The following MYO1E variants were observed in gnomAD, a reference collection of about 807,000 sequenced individuals.
The protein encoded by MYO1E is unconventional myosin-Ie.
In MYO1E, 68 loss-of-function variants were observed where a neutral mutation model predicts 151.1. The observed-to-expected ratio is 0.45, with a 90% confidence interval of 0.37 to 0.55. The LOEUF is 0.55. MYO1E is among the 20% of genes least tolerant of loss of function. The probability of loss-of-function intolerance (pLI) is 0.00; values close to 1 mark genes in which losing one functional copy is unlikely to be tolerated. For missense variants in MYO1E, 1,363 were observed against 1,389.3 expected (o/e 0.98, Z 0.30); for synonymous variants, 601 against 501.7 (o/e 1.20, Z -2.64).
At chr15:59,191,221 C>T (rs185492514) in intron 17 of MYO1E, among the ~76,000 whole-genome samples, 168 of 151,792 alleles carry the variant, frequency 1.1e-3, no homozygotes, top group South Asian at 3.1e-3. Context: ...TTTGGGAGGC[C>T]GAGGCGGGCA....
At chr15:59,224,940 A>T in intron 7 of MYO1E, 117 bp from the exon 8 acceptor site, 2 of 1,397,796 alleles carry the variant, frequency 1.4e-6, no homozygotes, top group Non-Finnish European at 2.0e-6. Flanking sequence ...CTAAAATTAC[A>T]GGCAGTCCTG....
rs1313356388 is a variant in MYO1E at position 59,174,971 on chromosome 15, A to G, written c.2050-731T>C. 2.6e-5 allele frequency among the ~76,000 whole-genome samples: 4 copies of G among 152,098 alleles called. No individual in the cohort carries two copies. In the East Asian group the frequency reaches 7.7e-4, roughly 29 times the overall value. ...CAGCTGCGCCTCAACCAGGCCTTGG[A>G]ATGATAAAGGTGACAGCAAACAGCT... On this transcript the variant is annotated intron_variant, in intron 19 of 27. Transcript: ENST00000288235.
At chr15:59,227,791 A>G (rs930640067) in intron 6 of MYO1E, among the ~76,000 whole-genome samples, 2 of 152,244 alleles carry the variant, frequency 1.3e-5, no homozygotes, top group Non-Finnish European at 2.9e-5. Flanking sequence ...ATTCTGTTAG[A>G]GAGAGCACCT....
intron 1 of MYO1E, among the ~76,000 whole-genome samples, chr15:59,304,729 C>A (rs2080504715): frequency 1.3e-5 from 2 of 152,174 alleles, no homozygotes; most frequent in Non-Finnish European, 2.9e-5. Context: ...ATTACCCTCC[C>A]TAGTACAGAT....
chr15:59,292,762 TG>T (rs1322982522), intron 1 of MYO1E, among the ~76,000 whole-genome samples: 2 of 152,222 alleles, frequency 1.3e-5, no homozygotes, highest in Non-Finnish European at 2.9e-5. Flanking sequence ...GAAATGAGCG[TG>T]GGTCTACCCA....
intron 4 of MYO1E, among the ~76,000 whole-genome samples, chr15:59,248,503 A>AAT (rs1170388935): frequency 6.6e-6 from 1 of 150,626 alleles, no homozygotes; most frequent in East Asian, 1.9e-4. Flanking sequence ...AAAAAAAAAA[A>AAT]AAAAAAAGTT....
At chr15:59,221,648 C>T (rs1596372643) in intron 9 of MYO1E, among the ~76,000 whole-genome samples, 1 of 152,188 alleles carries the variant, frequency 6.6e-6, no homozygotes, top group Admixed American at 6.5e-5. Flanking sequence ...AATCTCCATG[C>T]CTCCATCGCC....
intron 26 of MYO1E, among the ~76,000 whole-genome samples, chr15:59,152,967 G>A (rs147313305): frequency 5.1e-4 from 78 of 152,224 alleles, no homozygotes; most frequent in African/African-American, 1.6e-3. Flanking sequence ...TTCAGTTGGC[G>A]CTAGTTCCAT....
intron 26 of MYO1E, among the ~76,000 whole-genome samples, chr15:59,151,651 G>A (rs2079479667): frequency 6.6e-6 from 1 of 152,176 alleles, no homozygotes. Flanking sequence ...AGTGGCTCAC[G>A]CCTGTAATCC....
At position 59,133,112 on chromosome 15, in the gene MYO1E, G is replaced by A. The variant is rs2079354108; in HGVS notation, c.*4268C>T. 2.0e-5 allele frequency: 3 copies of A among 152,062 alleles called. No individual in the cohort carries two copies. The highest frequency in any genetic ancestry group is 7.2e-5 in the African/African-American group (3 of 41,380). The allele number at this position is 152,062 out of a possible 1,614,324, so 9.4% of individuals were successfully genotyped here. A position where few individuals can be genotyped will look rare whatever the true frequency, so the allele number is the denominator to read the frequency against. ...AAAGCACAGGCCTTTTGGGCACAGT[G>A]GCTCATGCTTGTAATCCCAGAATTT... On this transcript the variant is annotated 3_prime_UTR_variant, in exon 28 of 28. Transcript: ENST00000288235.
intron 6 of MYO1E, among the ~76,000 whole-genome samples, chr15:59,231,155 G>A (rs1035366846): frequency 1.3e-5 from 2 of 152,190 alleles, no homozygotes; most frequent in Non-Finnish European, 2.9e-5. Context: ...TTGGGATGTC[G>A]TTAGGTTACA....
intron 1 of MYO1E, among the ~76,000 whole-genome samples, chr15:59,339,767 T>G (rs572576156): frequency 6.6e-6 from 1 of 152,350 alleles, no homozygotes; most frequent in South Asian, 2.1e-4. Flanking sequence ...GCCTGAAGAC[T>G]GCTTGAGCCC....
chr15:59,171,147 A>G (rs1474773692), intron 22 of MYO1E: 1 of 155,870 alleles, frequency 6.4e-6, no homozygotes, highest in East Asian at 1.9e-4. Context: ...AGTTCTTACC[A>G]TGGGAGGACT....
chr15:59,237,882 GA>G (rs2140358899), intron 4 of MYO1E, among the ~76,000 whole-genome samples: 2 of 152,262 alleles, frequency 1.3e-5, no homozygotes, highest in East Asian at 3.9e-4. Flanking sequence ...GCCATATAGC[GA>G]AACTCAGAAC....
intron 1 of MYO1E, among the ~76,000 whole-genome samples, chr15:59,283,725 TTAAG>T (rs1466273778): frequency 6.6e-6 from 1 of 152,188 alleles, no homozygotes; most frequent in African/African-American, 2.4e-5. Context: ...CACAGAGAAG[TTAAG>T]TAACTTGCTC....
At chr15:59,291,963 T>C (rs1475889955) in intron 1 of MYO1E, among the ~76,000 whole-genome samples, 1 of 152,152 alleles carries the variant, frequency 6.6e-6, no homozygotes, top group Non-Finnish European at 1.5e-5. Flanking sequence ...CTTCCAACTC[T>C]CATTCTAAGG....
In MYO1E at chr15:59,202,349, T is replaced by A; in HGVS notation, c.1675A>T (p.Thr559Ser). 2.5e-6 allele frequency: 4 copies of A among 1,614,142 alleles called. No individual in the cohort carries two copies. The highest frequency in any genetic ancestry group is 3.4e-6 in the Non-Finnish European group (4 of 1,179,970). ...ACCTTTATTTTGCTTCCGGCAGTAG[T>A]TGGGCGCCCTTTCTTGTCAGCCTGC... ...NLQADKKGRP[T>S]TAGSKIKKQA... Residue 559 changes from threonine to serine, a missense_variant, in exon 16 of 28, where the codon ACT becomes TCT. Physicochemically the swap from Thr to Ser is moderately conservative, Grantham distance 58. Coordinates refer to ENST00000288235, the MANE Select transcript of MYO1E (RefSeq NM_004998.4).
At chr15:59,279,291 G>A (rs970013910) in intron 1 of MYO1E, among the ~76,000 whole-genome samples, 6 of 152,118 alleles carry the variant, frequency 3.9e-5, no homozygotes, top group Non-Finnish European at 8.8e-5. Context: ...AACCTTCCTA[G>A]AAGAGCTGGC....
At chr15:59,219,926 T>C (rs2079943534) in intron 9 of MYO1E, among the ~76,000 whole-genome samples, 1 of 152,178 alleles carries the variant, frequency 6.6e-6, no homozygotes, top group Non-Finnish European at 1.5e-5. Context: ...GAAACTTCTT[T>C]GCGATGTGTG....
Sources: gnomAD v4.1 joint callset for allele counts (sites outside exome capture counted in the v4.1 genomes callset) on GRCh38, gnomAD v4.1.1 for gene constraint, MANE v1.5 for transcripts, NCBI Gene and HGNC (gene_info 2026-07-23, HGNC 2026-07-21) for gene names.